Variants in CDH18 observed in about 807,000 individuals in gnomAD.
CDH18 encodes cadherin 18.
A neutral mutation model predicts 67.9 loss-of-function variants in CDH18; 31 were observed. The observed-to-expected ratio is 0.46, with a 90% CI of 0.34 to 0.62. The LOEUF is 0.62. Among genes scored for constraint, CDH18 ranks in the 20% least tolerant of loss-of-function variants. The pLI, the probability that CDH18 is intolerant of heterozygous loss-of-function variation, is 0.01. For synonymous variants in CDH18, 362 were observed against 347.2 expected, an observed-to-expected ratio of 1.04 and a Z score of -0.48; for missense variants, 890 against 975.5, an observed-to-expected ratio of 0.91 and a Z score of 1.17.
At chr5:19,598,310 G>A (rs1289559320) in intron 6 of CDH18, among the ~76,000 whole-genome samples, 1 of 151,964 alleles carries the variant, frequency 6.6e-6, no homozygotes, top group African/African-American at 2.4e-5. Flanking sequence ...TAAACTTATG[G>A]CTCCCAAATG....
At chr5:19,780,095 T>A (rs1774922371) in intron 3 of CDH18, among the ~76,000 whole-genome samples, 1 of 152,160 alleles carries the variant, frequency 6.6e-6, no homozygotes, top group African/African-American at 2.4e-5. Flanking sequence ...CTTCTTAGAA[T>A]AGGGCAGTAT....
At chr5:19,923,551 A>C (rs1402620704) in intron 2 of CDH18, among the ~76,000 whole-genome samples, 1 of 152,288 alleles carries the variant, frequency 6.6e-6, no homozygotes, top group East Asian at 1.9e-4. Flanking sequence ...TGTAGCAGAA[A>C]AAATGCAAAG....
intron 2 of CDH18, among the ~76,000 whole-genome samples, chr5:20,102,943 T>C (rs1466137095): frequency 1.3e-5 from 2 of 152,352 alleles, no homozygotes; most frequent in African/African-American, 4.8e-5. Flanking sequence ...TAGTCTTTAG[T>C]GTTCTGTAAT....
chr5:20,207,614 A>T (rs1740004004), intron 2 of CDH18, among the ~76,000 whole-genome samples: 1 of 151,998 alleles, frequency 6.6e-6, no homozygotes, highest in Non-Finnish European at 1.5e-5. Context: ...ATATTGTGAG[A>T]CCTATTCACT....
Position 20,012,425 on chromosome 5 carries a change from T to C in CDH18, c.-517-20411A>G, listed in dbSNP as rs375442339. ...CCTGGATTTGTTGATCTTTGAATTT[T>C]TTTGTGTCTCTGTCTCCTTCAGTTC... On this transcript the variant is annotated intron_variant, in intron 2 of 14. Coordinates refer to the CDH18 transcript ENST00000507958. 3.3e-5 allele frequency among the ~76,000 whole-genome samples: 5 copies of C among 152,070 alleles called. No homozygotes were observed. In the East Asian group the frequency reaches 9.7e-4, roughly 29 times the overall value.
At chr5:19,768,153 C>T (rs115911051) in intron 3 of CDH18, among the ~76,000 whole-genome samples, 208 of 152,216 alleles carry the variant, frequency 1.4e-3, no homozygotes, top group Non-Finnish European at 2.3e-3. Context: ...GAAGACCCCA[C>T]TCTCAAGTTT....
chr5:19,495,844 G>T (rs917539656), intron 11 of CDH18, among the ~76,000 whole-genome samples: 43 of 151,842 alleles, frequency 2.8e-4, no homozygotes, highest in Admixed American at 7.9e-4. Context: ...GCAAACCGTT[G>T]GTTGCAAAAC....
chr5:20,435,473 C>G (rs1223808094), intron 1 of CDH18, among the ~76,000 whole-genome samples: 2 of 152,040 alleles, frequency 1.3e-5, no homozygotes, highest in African/African-American at 2.4e-5. Context: ...AACCTCAGGC[C>G]TGCAAACCCC....
chr5:20,551,392 T>C (rs930251662), intron 1 of CDH18, among the ~76,000 whole-genome samples: 1 of 152,182 alleles, frequency 6.6e-6, no homozygotes, highest in Non-Finnish European at 1.5e-5. Context: ...CTGAAGTGTC[T>C]TGCTTCCCAA....
At chr5:20,185,814 T>G (rs1185592856) in intron 2 of CDH18, among the ~76,000 whole-genome samples, 2 of 151,964 alleles carry the variant, frequency 1.3e-5, no homozygotes, top group African/African-American at 4.8e-5. Context: ...TTTCTGACAC[T>G]ATCCCCCTTC....
At chr5:19,793,579 GCCT>G (rs1776576960) in intron 3 of CDH18, among the ~76,000 whole-genome samples, 1 of 152,032 alleles carries the variant, frequency 6.6e-6, no homozygotes, top group Non-Finnish European at 1.5e-5. Flanking sequence ...CTTTCCAGTT[GCCT>G]TTTACACCGT....
At chr5:20,061,405 A>C (rs1742474248) in intron 2 of CDH18, among the ~76,000 whole-genome samples, 1 of 152,168 alleles carries the variant, frequency 6.6e-6, no homozygotes, top group African/African-American at 2.4e-5. Context: ...ATACACATTG[A>C]CCAAATTAAG....
At chr5:20,006,024 C>T (rs529309284) in intron 2 of CDH18, among the ~76,000 whole-genome samples, 1 of 151,850 alleles carries the variant, frequency 6.6e-6, no homozygotes, top group Non-Finnish European at 1.5e-5. Context: ...AATAAGAGAA[C>T]AACTAGGTGT....
intron 1 of CDH18, among the ~76,000 whole-genome samples, chr5:20,398,435 G>A (rs1302630681): frequency 1.3e-5 from 2 of 152,064 alleles, no homozygotes; most frequent in East Asian, 3.9e-4. Context: ...GAACAAGAGA[G>A]CAAAATTTTA....
intron 2 of CDH18, among the ~76,000 whole-genome samples, chr5:20,102,011 C>T (rs1746509693): frequency 6.6e-6 from 1 of 152,070 alleles, no homozygotes; most frequent in South Asian, 2.1e-4. Flanking sequence ...GCAGAGGTTG[C>T]AGTGAGCTGA....
chr5:20,390,829 C>T (rs1046992643), intron 1 of CDH18, among the ~76,000 whole-genome samples: 3 of 152,130 alleles, frequency 2.0e-5, no homozygotes, highest in Non-Finnish European at 2.9e-5. Flanking sequence ...GAGTTCATGT[C>T]CTTTGTAGGG....
intron 3 of CDH18, among the ~76,000 whole-genome samples, chr5:19,823,373 G>T (rs1460602157): frequency 6.6e-6 from 1 of 152,160 alleles, no homozygotes; most frequent in Non-Finnish European, 1.5e-5. Context: ...TTCAGAGATT[G>T]CAGTAAAGAC....
chr5:20,036,543 AC>A (rs1739878151), intron 2 of CDH18, among the ~76,000 whole-genome samples: 1 of 152,066 alleles, frequency 6.6e-6, no homozygotes, highest in Non-Finnish European at 1.5e-5. Context: ...GCAGTTGTCC[AC>A]AAAAATGCAC....
At chr5:19,658,617 T>C (rs1218091726) in intron 5 of CDH18, among the ~76,000 whole-genome samples, 1 of 152,092 alleles carries the variant, frequency 6.6e-6, no homozygotes. Context: ...ACTGATTTTA[T>C]CTAGCACACT....
Sources: allele counts gnomAD v4.1 joint callset (sites outside exome capture counted in the v4.1 genomes callset), GRCh38; gene constraint gnomAD v4.1.1; transcripts MANE v1.5; gene names NCBI Gene and HGNC (gene_info 2026-07-23, HGNC 2026-07-21).